The following DENND1C variants were observed in gnomAD, a reference collection of about 807,000 sequenced individuals.
The protein encoded by DENND1C is DENN domain-containing protein 1C.
Under a neutral mutation model 87.9 loss-of-function variants are expected in DENND1C, and 64 were observed. The observed-to-expected ratio is 0.73, with a 90% CI of 0.60 to 0.90. The LOEUF is 0.90. DENND1C is among the 40% of genes least tolerant of loss of function. DENND1C has a pLI of 0.00. For synonymous variants in DENND1C, 384 were observed against 424.4 expected, an observed-to-expected ratio of 0.90 and a Z score of 1.17; for missense variants, 980 against 1,037.0, an observed-to-expected ratio of 0.95 and a Z score of 0.76.
intron 17 of DENND1C, among the ~76,000 whole-genome samples, 156 bp downstream of exon 17, chr19:6,471,109 C>T (rs2092826489): frequency 6.6e-6 from 1 of 151,320 alleles, no homozygotes; most frequent in Non-Finnish European, 1.5e-5. Flanking sequence ...CTACACCTAG[C>T]GAATTTTTTT....
rs1279388140 is a variant in DENND1C at position 6,477,476 on chromosome 19, G to T, written c.367-18C>A. 3 of 1,609,688 alleles carry T rather than the reference G, an allele frequency of 1.9e-6. No homozygotes were observed. Among genetic ancestry groups the T allele is most frequent in the Admixed American group, 3.4e-5 (2 of 59,596 alleles). On this transcript the variant is annotated intron_variant, in intron 6 of 22. Coordinates refer to ENST00000381480, the MANE Select transcript of DENND1C (RefSeq NM_024898.4). ...TCGGTGACCTGGGTGGGACGTGGAGGGGCGGGGGTGGCTGAGCCAGATGTG... is the reference window on the plus strand; with the variant it reads ...TCGGTGACCTGGGTGGGACGTGGAGTGGCGGGGGTGGCTGAGCCAGATGTG...
chr19:6,473,223 C>G (rs2092839027), intron 14 of DENND1C, among the ~76,000 whole-genome samples: 1 of 152,140 alleles, frequency 6.6e-6, no homozygotes, highest in African/African-American at 2.4e-5. Context: ...GGCGTGATCT[C>G]AGCTCACTGC....
In DENND1C at chr19:6,470,292, C is replaced by T. The variant is rs200763160; in HGVS notation, c.1362+3G>A. On this transcript the variant is annotated splice_donor_region_variant and intron_variant, in intron 18 of 22. Transcript: ENST00000381480. Reference sequence around the variant, plus strand: ...AAGAGTGGCCTGTCCAGCTCAGCCTCACCGAGCGGTACATGTTCTTGACGG... The same window carrying T: ...AAGAGTGGCCTGTCCAGCTCAGCCTTACCGAGCGGTACATGTTCTTGACGG... 6.8e-4 allele frequency: 1,099 copies of T among 1,606,318 alleles called. No individual in the cohort carries two copies. The highest frequency in any genetic ancestry group is 9.1e-4 in the Non-Finnish European group (1,070 of 1,176,852).
At position 6,471,322 on chromosome 19, in the gene DENND1C, G is replaced by A; in HGVS notation, c.1250-17C>T. ...GAAGGGCCCCTGGGGTAAGGAGAGA[G>A]TGTGGTGGTCACCGAAGGCTGGCTG... On this transcript the variant is annotated splice_polypyrimidine_tract_variant and intron_variant, in intron 16 of 22. Transcript: ENST00000381480. The A allele has an allele frequency of 1.3e-6, 2 of 1,597,222 alleles. No individual in the cohort carries two copies. The highest frequency in any genetic ancestry group is 1.7e-6 in the Non-Finnish European group (2 of 1,171,942).
chr19:6,467,586 G>A lies in DENND1C; in HGVS notation c.2324C>T (p.Ala775Val). ...REEPGALNSP[A>V]TPTSNCQKSQ... ...CTTTTGACAGTTGCTGGTGGGTGTA[G>A]CAGGGGAATTCAGGGCTCCTGGTTC... Residue 775 changes from alanine to valine, a missense_variant, in exon 23 of 23, where the codon GCT (alanine) becomes GTT (valine). Transcript: ENST00000381480. The A allele has an allele frequency of 6.3e-7, 1 of 1,599,816 alleles. No individual in the cohort carries two copies. The highest frequency in any genetic ancestry group is 8.5e-7 in the Non-Finnish European group (1 of 1,175,106).
At chr19:6,469,669 A>G (rs2145176661) in intron 18 of DENND1C, 29 bp from the exon 19 acceptor site, 1 of 1,592,780 alleles carries the variant, frequency 6.3e-7, no homozygotes, top group South Asian at 1.1e-5. Context: ...AGAATTACCC[A>G]AGGGTGGTGG....
In DENND1C at chr19:6,475,503, T is replaced by C. The variant is rs1224832247; in HGVS notation, c.908A>G (p.Gln303Arg). ...ACTGACCACGTCTGGAGGCAGCGCC[T>C]GCACGTCGTTAAAGGTCGTCTCCAA... Reference protein sequence around the residue: ...NTLETTFNDVQALPPDVVSLL... With the variant: ...NTLETTFNDVRALPPDVVSLL... The change falls in exon 13 of 23, where the codon CAG becomes CGG. Residue 303 changes from glutamine to arginine, a missense_variant. Coordinates refer to ENST00000381480, the MANE Select transcript of DENND1C (RefSeq NM_024898.4). The C allele has an allele frequency of 5.0e-6, 8 of 1,613,812 alleles. No individual in the cohort carries two copies. In the South Asian group the frequency reaches 8.8e-5, roughly 18 times the overall value.
At chr19:6,472,421 C>T (rs190154885) in intron 15 of DENND1C, among the ~76,000 whole-genome samples, 178 of 152,162 alleles carry the variant, frequency 1.2e-3, no homozygotes, top group African/African-American at 4.2e-3. Context: ...GACGGAGTCT[C>T]GCTCTATTAT....
intron 17 of DENND1C, 56 bp downstream of exon 17, chr19:6,471,209 T>C (rs2092827105): frequency 6.5e-7 from 1 of 1,550,202 alleles, no homozygotes; most frequent in South Asian, 1.2e-5. Context: ...CCTCCTAATG[T>C]GTTGGGATTA....
intron 9 of DENND1C, 45 bp from the exon 10 acceptor site, chr19:6,477,012 C>A (rs2092865211): frequency 6.2e-7 from 1 of 1,613,428 alleles, no homozygotes; most frequent in Non-Finnish European, 8.5e-7. Context: ...GCCCCTGGAT[C>A]TTGCATCCCC....
Position 6,475,538 on chromosome 19 carries a change from G to C in DENND1C, c.873C>G (p.Asp291Glu). The C allele has an allele frequency of 3.1e-6, 5 of 1,613,962 alleles. No homozygotes were observed. Among genetic ancestry groups the C allele is most frequent in the Non-Finnish European group, 4.2e-6 (5 of 1,179,874 alleles). Residue 291 changes from aspartate (D) to glutamate (E), a missense_variant, in exon 13 of 23, where the codon GAC becomes GAG. By Grantham distance (45) the Asp-to-Glu change is conservative (BLOSUM62 2). Coordinates refer to ENST00000381480, the MANE Select transcript of DENND1C (RefSeq NM_024898.4). ...ALEDVVVLNV[D>E]ANTLETTFND... ...TAAAGGTCGTCTCCAAGGTATTGGCGTCCACGTTCAGCACCACGACGTCCT... is the reference window on the plus strand; with the variant it reads ...TAAAGGTCGTCTCCAAGGTATTGGCCTCCACGTTCAGCACCACGACGTCCT...
Position 6,481,716 on chromosome 19 carries a change from A to G in DENND1C, c.-21T>C. Reference sequence around the variant, plus strand: ...TCCATGGTCCCTGCAGGGCCAGCCCAGCGGGGCCCTCTCCCCAGGGGTCCT... The same window carrying G: ...TCCATGGTCCCTGCAGGGCCAGCCCGGCGGGGCCCTCTCCCCAGGGGTCCT... On this transcript the variant is annotated 5_prime_UTR_variant, in exon 1 of 23. Coordinates refer to ENST00000381480, the MANE Select transcript of DENND1C (RefSeq NM_024898.4). The G allele has an allele frequency of 6.4e-7, 1 of 1,566,322 alleles. No homozygotes were observed. The highest frequency in any genetic ancestry group is 8.6e-7 in the Non-Finnish European group (1 of 1,159,122).
In DENND1C at chr19:6,475,329, AG is replaced by A; in HGVS notation, c.997del (p.Leu333SerfsTer23). On this transcript the variant is annotated frameshift_variant, in exon 14 of 23. Coordinates refer to ENST00000381480, the MANE Select transcript of DENND1C (RefSeq NM_024898.4). LOFTEE classifies it high-confidence loss of function. ...APGEGVSRLF[L>X]KAQALLFGGY... The stretch of plus-strand genomic sequence containing the variant: ...CCCGAAGAGCAGGGCCTGGGCTTTG[AG>A]GAAGAGACGGGACACCCCTTCCCCG... 6.2e-7 allele frequency: 1 copy of A among 1,613,232 alleles called. No homozygotes were observed. The highest frequency in any genetic ancestry group is 8.5e-7 in the Non-Finnish European group (1 of 1,179,734).
At chr19:6,477,586 T>TC (rs2092870183) in intron 6 of DENND1C, 128 bp from the exon 7 acceptor site, 1 of 359,054 alleles carries the variant, frequency 2.8e-6, no homozygotes, top group African/African-American at 2.9e-5. Flanking sequence ...GAGTTTTTTT[T>TC]TTTCTTTCTT....
chr19:6,470,448 C>A (rs1405951669), intron 17 of DENND1C, 82 bp from the exon 18 acceptor site: 1 of 1,383,936 alleles, frequency 7.2e-7, no homozygotes, highest in Non-Finnish European at 1.0e-6. Flanking sequence ...GCCAATCAAG[C>A]CCCTTTCCCT....
rs776203316 is a variant in DENND1C, at chr19:6,467,808, G to A, written c.2102C>T (p.Pro701Leu). The change falls in exon 23 of 23, where the codon CCC becomes CTC. Residue 701 changes from proline to leucine, a missense_variant. Pro to Leu is a moderately conservative substitution (Grantham distance 98, BLOSUM62 -3). Transcript: ENST00000381480. ...EDSTAQENPT[P>L]WLSTAPTEPS... Reference sequence around the variant, plus strand: ...CTCAGTGGGTGCAGTGGAGAGCCAGGGAGTGGGGTTTTCCTGGGCTGTAGA... The same window carrying A: ...CTCAGTGGGTGCAGTGGAGAGCCAGAGAGTGGGGTTTTCCTGGGCTGTAGA... 1.3e-6 allele frequency: 2 copies of A among 1,543,340 alleles called. No homozygotes were observed. Among genetic ancestry groups the A allele is most frequent in the East Asian group, 2.3e-5 (1 of 44,400 alleles).
At position 6,469,986 on chromosome 19, in the gene DENND1C, GA is replaced by G. The variant is rs1308106113; in HGVS notation, c.1362+308del. The G allele has an allele frequency of 7.2e-6, 3 of 416,962 alleles. No homozygotes were observed. The East Asian group carries it at 1.2e-4, about 17-fold the overall frequency. 25.8% of individuals were successfully genotyped at this position (416,962 alleles called of 1,614,324 possible). On this transcript the variant is annotated intron_variant, in intron 18 of 22. Transcript: ENST00000381480. ...TTCTGAGCTTGGGAGATAAAAGGCAGAACCTGGAATTGTAGCATCCAAGGAC... is the reference window on the plus strand; with the variant it reads ...TTCTGAGCTTGGGAGATAAAAGGCAGACCTGGAATTGTAGCATCCAAGGAC...
rs962606533 is a variant in DENND1C, at chr19:6,480,038, C to G, written c.31G>C (p.Ala11Pro). 4 of 1,608,874 alleles carry G rather than the reference C, an allele frequency of 2.5e-6. No homozygotes were observed. Among genetic ancestry groups the G allele is most frequent in the Non-Finnish European group, 3.4e-6 (4 of 1,178,176 alleles). The change falls in exon 2 of 23, where the codon GCT becomes CCT. Residue 11 changes from alanine to proline, a missense_variant. By Grantham distance (27) the Ala-to-Pro change is conservative (BLOSUM62 -1). Coordinates refer to ENST00000381480, the MANE Select transcript of DENND1C (RefSeq NM_024898.4). ...GCTTCGAAGAACCAATCAAACACAG[C>G]AGGGGAGCCCCCTCTGTGGGATGCA... Reference protein sequence around the residue: MESRAEGGSPAVFDWFFEAAC... With the variant: MESRAEGGSPPVFDWFFEAAC...
chr19:6,477,912 A>C (rs1186736310), intron 6 of DENND1C, among the ~76,000 whole-genome samples: 2 of 15,884 alleles, frequency 1.3e-4, no homozygotes, highest in Admixed American at 4.3e-4. Context: ...AAAAGTACAA[A>C]AAAAAAAAAA....
Sources: gnomAD v4.1 joint callset for allele counts (sites outside exome capture counted in the v4.1 genomes callset) on GRCh38, gnomAD v4.1.1 for gene constraint, MANE v1.5 for transcripts, NCBI Gene and HGNC (gene_info 2026-07-23, HGNC 2026-07-21) for gene names.